Variants in MAPK9 observed in about 807,000 individuals in gnomAD.
MAPK9 encodes Jun kinase.
A neutral mutation model predicts 57.1 loss-of-function variants in MAPK9; 30 were observed. The observed-to-expected ratio is 0.53, with a 90% confidence interval of 0.39 to 0.71. The LOEUF is 0.71. Among genes scored for constraint, MAPK9 ranks in the 30% least tolerant of loss-of-function variants. The probability of loss-of-function intolerance (pLI) is 0.00; values close to 1 mark genes in which losing one functional copy is unlikely to be tolerated. For missense variants in MAPK9, 362 were observed against 521.0 expected (o/e 0.69, Z 2.97); for synonymous variants, 155 against 177.0 (o/e 0.88, Z 0.99).
intron 9 of MAPK9, 144 bp from the exon 10 acceptor site, chr5:180,240,131 G>A: frequency 1.6e-6 from 1 of 633,506 alleles, no homozygotes; most frequent in Non-Finnish European, 2.8e-6. Context: ...ATAAAGATTT[G>A]TCATGTGATA....
chr5:180,261,735 G>A lies in MAPK9; in HGVS notation c.399C>T (p.Tyr133=). 7 of 1,612,816 alleles carry A rather than the reference G, an allele frequency of 4.3e-6. No homozygotes were observed. The highest frequency in any genetic ancestry group is 5.9e-6 in the Non-Finnish European group (7 of 1,179,084). ...LDHERMSYLL[Y]QMLCGIKHLH... is the part of the protein sequence containing the mutation. The stretch of plus-strand genomic sequence containing the variant: ...GATGTTTAATACCACAAAGCATCTG[G>A]TAAAGAAGGTAGGACATTCTTTCAT... The change falls in exon 5 of 12, where the codon TAC becomes TAT. Residue 133 remains tyrosine (Y), a synonymous_variant. Transcript: ENST00000452135.
intron 5 of MAPK9, among the ~76,000 whole-genome samples, chr5:180,256,321 A>AGAT (rs1429097393): frequency 2.0e-5 from 3 of 147,434 alleles, no homozygotes; most frequent in African/African-American, 7.4e-5. Context: ...ATGGTACTGT[A>AGAT]GATGGAACAA....
rs1758289852 is a variant in MAPK9, at chr5:180,247,990, C to T, written c.617-480G>A. On this transcript the variant is annotated intron_variant, in intron 6 of 11. Coordinates refer to ENST00000452135, the MANE Select transcript of MAPK9 (RefSeq NM_002752.5). The surrounding 1 kb of genome is among the most constrained non-coding windows in gnomAD (Gnocchi z 4.5). ...CCCATCTTTTTTCTTCAAACCCCCT[C>T]CCAGGACAAACCCGGTACACGTCAC... is the stretch of plus-strand genomic sequence containing the variant. 1 of 1,529,980 alleles carries T rather than the reference C, an allele frequency of 6.5e-7. No homozygotes were observed. Among genetic ancestry groups the T allele is most frequent in the African/African-American group, 1.4e-5 (1 of 73,202 alleles). 94.8% of individuals were successfully genotyped at this position (1,529,980 alleles called of 1,614,324 possible). A position where few individuals can be genotyped will look rare whatever the true frequency, so the allele number is the denominator to read the frequency against.
chr5:180,255,332 C>T (rs1314148542), intron 5 of MAPK9, among the ~76,000 whole-genome samples: 1 of 152,036 alleles, frequency 6.6e-6, no homozygotes, highest in Non-Finnish European at 1.5e-5. Context: ...ACATGGGAGG[C>T]AGATGAAGGA....
At chr5:180,278,120 G>A (rs1163585074) in intron 2 of MAPK9, among the ~76,000 whole-genome samples, 1 of 152,198 alleles carries the variant, frequency 6.6e-6, no homozygotes, top group Non-Finnish European at 1.5e-5. Flanking sequence ...GTGGGTCAGA[G>A]GCCTTGACCT....
chr5:180,271,445 A>T (rs928611651), intron 2 of MAPK9, among the ~76,000 whole-genome samples: 4 of 151,742 alleles, frequency 2.6e-5, no homozygotes, highest in African/African-American at 9.7e-5. Context: ...AACACCTCCT[A>T]TTTTTTTTGT....
chr5:180,254,497 G>A (rs35568530), intron 5 of MAPK9, among the ~76,000 whole-genome samples: 2,307 of 152,226 alleles, frequency 0.015, 56 homozygotes, highest in African/African-American at 0.053. Context: ...CAATTAACTC[G>A]TGCTTCAGAG....
In MAPK9 at chr5:180,235,195, AAG is replaced by A. The variant is rs1757090846; in HGVS notation, c.*1187_*1188del. On this transcript the variant is annotated 3_prime_UTR_variant, in exon 12 of 12. Transcript: ENST00000452135. ...CAGGGTATTTCCTTCACGTCCTCTG[AAG>A]AGTTTCCCAGAACATTCTTGTGAAA... 1.3e-5 allele frequency: 2 copies of A among 152,248 alleles called. No homozygotes were observed. The highest frequency in any genetic ancestry group is 4.1e-4 in the South Asian group (2 of 4,834). The allele number at this position is 152,248 out of a possible 1,614,324, so 9.4% of individuals were successfully genotyped here. A position where few individuals can be genotyped will look rare whatever the true frequency, so the allele number is the denominator to read the frequency against.
chr5:180,276,593 T>C (rs540384639), intron 2 of MAPK9, among the ~76,000 whole-genome samples: 1 of 152,320 alleles, frequency 6.6e-6, no homozygotes, highest in South Asian at 2.1e-4. Context: ...CGGTGGCTCA[T>C]GCCTGCAATC....
intron 3 of MAPK9, among the ~76,000 whole-genome samples, chr5:180,267,925 C>T (rs1464040194): frequency 1.3e-5 from 2 of 152,086 alleles, no homozygotes; most frequent in South Asian, 2.1e-4. Flanking sequence ...TGCAGTGGTG[C>T]TATCTCAGCT....
intron 1 of MAPK9, among the ~76,000 whole-genome samples, chr5:180,284,013 T>G (rs1259335831): frequency 6.6e-6 from 1 of 152,190 alleles, no homozygotes; most frequent in Non-Finnish European, 1.5e-5. Flanking sequence ...GTCACCTAAG[T>G]GAAAACCTGT....
chr5:180,287,012 G>A (rs1762828113), intron 1 of MAPK9: 1 of 152,162 alleles, frequency 6.6e-6, no homozygotes, highest in Non-Finnish European at 1.5e-5. Flanking sequence ...GATAGTCAAC[G>A]AAAAAAGCCA....
chr5:180,253,230 A>G (rs576687890), intron 5 of MAPK9, among the ~76,000 whole-genome samples: 16 of 152,212 alleles, frequency 1.1e-4, no homozygotes, highest in Non-Finnish European at 2.2e-4. Flanking sequence ...CCAGGACTGC[A>G]CTACGTTCAG....
At chr5:180,236,628 T>C in intron 11 of MAPK9, 102 bp from the exon 12 acceptor site, 5 of 1,308,900 alleles carry the variant, frequency 3.8e-6, no homozygotes, top group East Asian at 2.4e-5. Context: ...CCTTTTGCAG[T>C]TTCCCAATCC....
Position 180,236,520 on chromosome 5 carries a change from G to A in MAPK9, c.1139C>T (p.Ala380Val), listed in dbSNP as rs1254668835. The A allele has an allele frequency of 3.1e-6, 5 of 1,613,782 alleles. No individual in the cohort carries two copies. The South Asian group carries it at 4.4e-5, about 14-fold the overall frequency. Residue 380 changes from alanine (A) to valine (V), a missense_variant, in exon 12 of 12, where the codon GCA becomes GTA. Ala to Val is a moderately conservative substitution (Grantham distance 64, BLOSUM62 0). Coordinates refer to ENST00000452135, the MANE Select transcript of MAPK9 (RefSeq NM_002752.5). The part of the protein sequence containing the change: ...GVVKDQPSDA[A>V]VSSNATPSQS... ...AGAAGGAGTGGCGTTGCTACTTACT[G>A]CTGCATCTGTGCTAAGAAAACCAAA... is the stretch of plus-strand genomic sequence containing the variant.
intron 10 of MAPK9, among the ~76,000 whole-genome samples, 189 bp from the exon 11 acceptor site, chr5:180,238,592 T>C (rs997940906): frequency 1.3e-5 from 2 of 148,334 alleles, no homozygotes; most frequent in African/African-American, 5.0e-5. Flanking sequence ...ATTATATCTT[T>C]TCTTTTCTTC....
At chr5:180,290,907 C>T (rs549444879) in intron 1 of MAPK9, among the ~76,000 whole-genome samples, 3 of 152,270 alleles carry the variant, frequency 2.0e-5, no homozygotes, top group South Asian at 2.1e-4. Context: ...ACATCCTAGT[C>T]GGGGAGACAG....
In MAPK9 at chr5:180,288,982, CA is replaced by C. The variant is rs58457163; in HGVS notation, c.-48+2865del. On this transcript the variant is annotated intron_variant, in intron 1 of 11. Coordinates refer to ENST00000452135, the MANE Select transcript of MAPK9 (RefSeq NM_002752.5). ...TGAAACTGGTTCATACAATCAAGTA[CA>C]AAGTATCAGGAATTAATTATTCTGA... Among the ~76,000 whole-genome samples, 121 of 152,264 alleles carry C rather than the reference CA, an allele frequency of 7.9e-4. 2 individuals carry two copies. The East Asian group carries it at 0.021, about 26-fold the overall frequency.
Position 180,247,842 on chromosome 5 carries a change from C to T in MAPK9, c.617-332G>A, listed in dbSNP as rs552253068. 2 of 1,613,970 alleles carry T rather than the reference C, an allele frequency of 1.2e-6. No individual in the cohort carries two copies. The highest frequency in any genetic ancestry group is 1.7e-5 in the Admixed American group (1 of 60,016). ...CCTCCATGGCCAAGTACCGGGTCCC[C>T]TGTGAAGGATACAGTCTCTTCCCGG... is the stretch of plus-strand genomic sequence containing the variant. On this transcript the variant is annotated intron_variant, in intron 6 of 11. Transcript: ENST00000452135. The surrounding 1 kb of genome is among the most constrained non-coding windows in gnomAD (Gnocchi z 4.5).
Sources: allele counts gnomAD v4.1 joint callset (sites outside exome capture counted in the v4.1 genomes callset), GRCh38; gene constraint gnomAD v4.1.1; non-coding constraint Gnocchi (gnomAD v3.1); transcripts MANE v1.5; gene names NCBI Gene and HGNC (gene_info 2026-07-23, HGNC 2026-07-21).